Variants in SCD5 observed in about 807,000 individuals in gnomAD.
SCD5 encodes the protein stearoyl-CoA desaturase 5.
Under a neutral mutation model 30.4 loss-of-function variants are expected in SCD5, and 20 were observed. The ratio of observed to expected loss-of-function variants is 0.66; its 90% CI spans 0.46 to 0.96. SCD5 has a LOEUF of 0.96. Ranked by LOEUF, SCD5 falls within the 40% of genes least tolerant of loss-of-function variation. The pLI, the probability that SCD5 is intolerant of heterozygous loss-of-function variation, is 0.00. For missense variants in SCD5, 381 were observed against 443.3 expected (o/e 0.86, Z 1.26); for synonymous variants, 173 against 176.4 (o/e 0.98, Z 0.16).
intron 1 of SCD5, among the ~76,000 whole-genome samples, chr4:82,765,276 T>C (rs576836969): frequency 1.3e-5 from 2 of 152,240 alleles, no homozygotes; most frequent in African/African-American, 2.4e-5. Flanking sequence ...TCTCAGTTGA[T>C]AGGAATTTTT....
rs536782368 is a variant in SCD5, at chr4:82,765,293, A to G, written c.232+33013T>C. On this transcript the variant is annotated intron_variant, in intron 1 of 4. Coordinates refer to ENST00000319540, the MANE Select transcript of SCD5 (RefSeq NM_001037582.3). The stretch of plus-strand genomic sequence containing the variant: ...TCAGTTGATAGGAATTTTTTCTTTC[A>G]GTGCATTAAAGATATTACTCCACTG... 1.1e-4 allele frequency among the ~76,000 whole-genome samples: 16 copies of G among 152,304 alleles called. No homozygotes were observed. The East Asian group carries it at 1.9e-3, about 18-fold the overall frequency.
Position 82,798,509 on chromosome 4 carries a change from T to A in SCD5, c.29A>T (p.Lys10Met). The A allele has an allele frequency of 6.2e-7, 1 of 1,606,688 alleles. No homozygotes were observed. The highest frequency in any genetic ancestry group is 8.5e-7 in the Non-Finnish European group (1 of 1,176,972). The stretch of plus-strand genomic sequence containing the variant: ...TTCCTTGGCGTCGCAGAAAGGGATC[T>A]TCCCCGCGTCGGTGGCCGGGCCTGG... MPGPATDAG[K>M]IPFCDAKEEI... The change falls in exon 1 of 5, where the codon AAG becomes ATG. Residue 10 changes from lysine to methionine, a missense_variant. Physicochemically the swap from Lys to Met is moderately conservative, Grantham distance 95. Coordinates refer to ENST00000319540, the MANE Select transcript of SCD5 (RefSeq NM_001037582.3).
chr4:82,746,838 T>A (rs931257608), intron 1 of SCD5, among the ~76,000 whole-genome samples: 1 of 152,004 alleles, frequency 6.6e-6, no homozygotes, highest in Admixed American at 6.5e-5. Flanking sequence ...CAAGCGAGAA[T>A]AGGCACTCCC....
At chr4:82,710,359 G>A (rs1720055642) in intron 1 of SCD5, among the ~76,000 whole-genome samples, 1 of 152,260 alleles carries the variant, frequency 6.6e-6, no homozygotes, top group African/African-American at 2.4e-5. Context: ...CTCAGTAAAT[G>A]CAAAGTGACC....
chr4:82,738,945 G>A (rs1349061858), intron 1 of SCD5, among the ~76,000 whole-genome samples: 2 of 152,184 alleles, frequency 1.3e-5, no homozygotes, highest in Non-Finnish European at 2.9e-5. Flanking sequence ...TAATAACAGA[G>A]GTGGGGACTG....
intron 2 of SCD5, among the ~76,000 whole-genome samples, chr4:82,698,369 G>T (rs1214830814): frequency 6.6e-6 from 1 of 152,174 alleles, no homozygotes; most frequent in Admixed American, 6.5e-5. Context: ...TGAGGGTGCT[G>T]CCTCGCACAC....
intron 3 of SCD5, among the ~76,000 whole-genome samples, chr4:82,642,865 C>A (rs1727572488): frequency 2.0e-5 from 3 of 152,188 alleles, no homozygotes; most frequent in Admixed American, 2.0e-4. Context: ...TCCCTTTATT[C>A]TTCCTCGTCC....
intron 3 of SCD5, among the ~76,000 whole-genome samples, chr4:82,653,635 C>A (rs1727800980): frequency 6.7e-6 from 1 of 148,198 alleles, no homozygotes; most frequent in Admixed American, 6.7e-5. Flanking sequence ...AATCCATGTT[C>A]TTAGTGGGGC....
At chr4:82,646,076 T>C (rs1329235868) in intron 3 of SCD5, among the ~76,000 whole-genome samples, 2 of 151,940 alleles carry the variant, frequency 1.3e-5, no homozygotes, top group East Asian at 3.9e-4. Context: ...CCTGAGGAAA[T>C]GTGAAAAGAA....
At chr4:82,746,118 T>C (rs1720976550) in intron 1 of SCD5, among the ~76,000 whole-genome samples, 1 of 152,172 alleles carries the variant, frequency 6.6e-6, no homozygotes, top group Non-Finnish European at 1.5e-5. Context: ...TTACCCACAG[T>C]CCAAAATACC....
intron 1 of SCD5, among the ~76,000 whole-genome samples, chr4:82,720,917 CGAGGTGA>C (rs1720356868): frequency 1.3e-5 from 2 of 152,190 alleles, no homozygotes; most frequent in Admixed American, 1.3e-4. Flanking sequence ...TTCAGGACGC[CGAGGTGA>C]GGGGATCTCT....
intron 3 of SCD5, among the ~76,000 whole-genome samples, chr4:82,657,940 G>A (rs1727898812): frequency 6.6e-6 from 1 of 152,178 alleles, no homozygotes; most frequent in Admixed American, 6.5e-5. Context: ...TTTGCACATT[G>A]ATTTTGTATC....
At chr4:82,652,066 C>T (rs182262318) in intron 3 of SCD5, among the ~76,000 whole-genome samples, 2 of 152,192 alleles carry the variant, frequency 1.3e-5, no homozygotes, top group Admixed American at 1.3e-4. Flanking sequence ...TCCTGGGTAA[C>T]ACTGATGCTG....
chr4:82,706,734 A>G (rs1488717677), intron 1 of SCD5, among the ~76,000 whole-genome samples: 1 of 152,264 alleles, frequency 6.6e-6, no homozygotes, highest in Non-Finnish European at 1.5e-5. Flanking sequence ...CATGAAGACA[A>G]TGAAGATGCC....
chr4:82,797,680 C>T (rs1490985278), intron 1 of SCD5, among the ~76,000 whole-genome samples: 1 of 152,066 alleles, frequency 6.6e-6, no homozygotes, highest in Non-Finnish European at 1.5e-5. Context: ...GAAACTTCAC[C>T]GAGAACTGCA....
In SCD5 at chr4:82,677,924, T is replaced by A. The variant is rs181288601; in HGVS notation, c.569+2783A>T. 3.9e-4 allele frequency among the ~76,000 whole-genome samples: 59 copies of A among 152,046 alleles called. No individual in the cohort carries two copies. In the East Asian group the frequency reaches 6.2e-3, roughly 16 times the overall value. On this transcript the variant is annotated intron_variant, in intron 3 of 4. Transcript: ENST00000319540. ...GCCTGGCTTTCCTGGGCCTAGGCAA[T>A]TCTTAGAGATAATAAAGGGCCCAGC...
chr4:82,769,868 G>C (rs1721580006), intron 1 of SCD5, among the ~76,000 whole-genome samples: 1 of 151,944 alleles, frequency 6.6e-6, no homozygotes, highest in Admixed American at 6.6e-5. Flanking sequence ...GTATAAGAGA[G>C]TTCCTTGTAC....
At position 82,629,757 on chromosome 4, in the gene SCD5, C is replaced by T. The variant is rs755085023; in HGVS notation, c.*1570G>A. On this transcript the variant is annotated 3_prime_UTR_variant, in exon 5 of 5. Transcript: ENST00000319540. The stretch of plus-strand genomic sequence containing the variant: ...CCAATACTAACACTATAAGCCCTTT[C>T]TTTTGCTCTAACATCTAACACAAAG... 6.6e-6 allele frequency: 1 copy of T among 152,188 alleles called. No individual in the cohort carries two copies. The highest frequency in any genetic ancestry group is 2.1e-4 in the South Asian group (1 of 4,828). The allele number at this position is 152,188 out of a possible 1,614,324, so 9.4% of individuals were successfully genotyped here.
At chr4:82,720,703 A>G (rs959354495) in intron 1 of SCD5, among the ~76,000 whole-genome samples, 1 of 152,130 alleles carries the variant, frequency 6.6e-6, no homozygotes, top group Non-Finnish European at 1.5e-5. Context: ...GTTGGTGCCT[A>G]ACAGCTCACA....
Sources: gnomAD v4.1 joint callset for allele counts (sites outside exome capture counted in the v4.1 genomes callset) on GRCh38, gnomAD v4.1.1 for gene constraint, MANE v1.5 for transcripts, NCBI Gene and HGNC (gene_info 2026-07-23, HGNC 2026-07-21) for gene names.